SEC24A: variants seen among roughly 807,000 people sequenced by gnomAD.
SEC24A encodes the protein SEC24 homolog A, COPII component.
A neutral mutation model predicts 129.4 loss-of-function variants in SEC24A; 93 were observed. The observed-to-expected ratio is 0.72, with a 90% confidence interval of 0.61 to 0.85. The LOEUF (loss-of-function observed/expected upper bound fraction) is 0.85. Ranked by LOEUF, SEC24A falls within the 40% of genes least tolerant of loss-of-function variation. The pLI, the probability that SEC24A is intolerant of heterozygous loss-of-function variation, is 0.00. For missense variants in SEC24A, 1,264 were observed against 1,307.4 expected (o/e 0.97, Z 0.51); for synonymous variants, 460 against 467.3 (o/e 0.98, Z 0.20).
chr5:134,681,462 G>A (rs1361972696), intron 8 of SEC24A, among the ~76,000 whole-genome samples: 1 of 151,926 alleles, frequency 6.6e-6, no homozygotes, highest in Non-Finnish European at 1.5e-5. Flanking sequence ...GTGTGTGTGT[G>A]TGTGTGTGTG....
At chr5:134,716,497 T>G (rs1752480567) in intron 19 of SEC24A, among the ~76,000 whole-genome samples, 1 of 140,904 alleles carries the variant, frequency 7.1e-6, no homozygotes, top group East Asian at 2.1e-4. Context: ...CCTTTGAAAA[T>G]TTAAAGAATT....
At chr5:134,703,733 A>C (rs1299198906) in intron 15 of SEC24A, 26 bp from the exon 16 acceptor site, 2 of 1,523,736 alleles carry the variant, frequency 1.3e-6, no homozygotes, top group African/African-American at 2.8e-5. Context: ...ATATAAAAAT[A>C]ATTTTGTTAC....
chr5:134,694,819 CAAA>C (rs79409386), intron 13 of SEC24A, among the ~76,000 whole-genome samples: 9 of 65,994 alleles, frequency 1.4e-4, no homozygotes, highest in Admixed American at 5.3e-4. Context: ...AACTCCGTCT[CAAA>C]AAAAAAAAAA....
intron 7 of SEC24A, among the ~76,000 whole-genome samples, chr5:134,679,037 T>A (rs1244546593): frequency 6.6e-6 from 1 of 151,934 alleles, no homozygotes; most frequent in Non-Finnish European, 1.5e-5. Flanking sequence ...TATTTTGGTT[T>A]TGCAATATGA....
In SEC24A at chr5:134,721,003, G is replaced by A; in HGVS notation, c.2976G>A (p.Leu992=). The A allele has an allele frequency of 1.2e-6, 2 of 1,603,544 alleles. No homozygotes were observed. The highest frequency in any genetic ancestry group is 1.7e-6 in the Non-Finnish European group (2 of 1,170,594). ...AATTTTATTCCTGTCCCTAGGTACT[G>A]ATGCTTTGGGTTGGAAAAAATTGTA... ...GAFLMDAGSV[L]MLWVGKNCTQ... Residue 992 remains leucine (L), a synonymous_variant, in exon 21 of 23, where the codon CTG becomes CTA. Coordinates refer to ENST00000398844, the MANE Select transcript of SEC24A (RefSeq NM_021982.3).
At position 134,726,600 on chromosome 5, in the gene SEC24A, A is replaced by G. The variant is rs2150117261; in HGVS notation, c.*1506A>G. 6.6e-6 allele frequency: 1 copy of G among 152,618 alleles called. No individual in the cohort carries two copies. Among genetic ancestry groups the G allele is most frequent in the East Asian group, 1.9e-4 (1 of 5,192 alleles). 9.5% of individuals were successfully genotyped at this position (152,618 alleles called of 1,614,324 possible). On this transcript the variant is annotated 3_prime_UTR_variant, in exon 23 of 23. Transcript: ENST00000398844. The stretch of plus-strand genomic sequence containing the variant: ...CAAAATAATCATGTTTTATGAAAAT[A>G]TCTCCCTTAAGCAGTGTTAAGGTTG...
Position 134,687,641 on chromosome 5 carries a change from ATGT to A in SEC24A, c.1605-536_1605-534del, listed in dbSNP as rs1229511502. On this transcript the variant is annotated intron_variant, in intron 10 of 22. Transcript: ENST00000398844. ...GTTCCTGCCAGCATTTGTATTTTTA[ATGT>A]TGTAGATTGTGAATGGGGATTGTGA... Among the ~76,000 whole-genome samples, 4 of 152,258 alleles carry A rather than the reference ATGT, an allele frequency of 2.6e-5. No individual in the cohort carries two copies. In the South Asian group the frequency reaches 8.3e-4, roughly 32 times the overall value.
intron 19 of SEC24A, among the ~76,000 whole-genome samples, 167 bp from the exon 20 acceptor site, chr5:134,717,902 C>T (rs908992033): frequency 1.3e-5 from 2 of 151,844 alleles, no homozygotes; most frequent in African/African-American, 4.8e-5. Flanking sequence ...GCAACAAGAG[C>T]GAAACTCCGT....
chr5:134,691,518 G>C (rs1248926883), intron 11 of SEC24A, among the ~76,000 whole-genome samples: 1 of 99,700 alleles, frequency 1.0e-5, no homozygotes, highest in Admixed American at 1.1e-4. Flanking sequence ...TTTTTTTTTT[G>C]AGACGAGTCT....
intron 18 of SEC24A, among the ~76,000 whole-genome samples, chr5:134,712,852 T>C (rs962557359): frequency 2.6e-5 from 4 of 151,102 alleles, no homozygotes; most frequent in Non-Finnish European, 4.4e-5. Flanking sequence ...TTTCCTGACC[T>C]TGTGATCCGC....
intron 1 of SEC24A, 148 bp from the exon 2 acceptor site, chr5:134,660,971 T>A (rs996996286): frequency 1.5e-6 from 1 of 651,850 alleles, no homozygotes; most frequent in East Asian, 2.6e-5. Context: ...TTTGGAAGTA[T>A]GTTTGAATGT....
intron 6 of SEC24A, 136 bp from the exon 7 acceptor site, chr5:134,675,887 A>G (rs1288635417): frequency 1.8e-6 from 1 of 566,010 alleles, no homozygotes; most frequent in Admixed American, 3.7e-5. Flanking sequence ...AATGGGATAA[A>G]ATTTTGAGAC....
chr5:134,657,140 C>T (rs564597105), intron 1 of SEC24A, among the ~76,000 whole-genome samples: 14 of 151,598 alleles, frequency 9.2e-5, no homozygotes, highest in Non-Finnish European at 1.3e-4. Context: ...AGCTGTGACA[C>T]TTCAGCCTGG....
intron 18 of SEC24A, among the ~76,000 whole-genome samples, chr5:134,709,095 C>T (rs576907915): frequency 6.6e-6 from 1 of 152,054 alleles, no homozygotes; most frequent in East Asian, 1.9e-4. Context: ...GTAGTCAGTC[C>T]CAGCTACTTG....
At chr5:134,701,301 G>GT (rs1752000736) in intron 15 of SEC24A, 1 of 152,142 alleles carries the variant, frequency 6.6e-6, no homozygotes, top group Non-Finnish European at 1.5e-5. Flanking sequence ...TAGTGTTTAT[G>GT]TTTTAAAGGG....
At chr5:134,722,243 C>T (rs796124420) in intron 21 of SEC24A, among the ~76,000 whole-genome samples, 18 of 152,110 alleles carry the variant, frequency 1.2e-4, no homozygotes, top group African/African-American at 2.4e-4. Context: ...GTAATCTCAG[C>T]GCTTTGGGAG....
At position 134,695,611 on chromosome 5, in the gene SEC24A, C is replaced by T. The variant is rs190764118; in HGVS notation, c.1987-1515C>T. 1.1e-4 allele frequency among the ~76,000 whole-genome samples: 16 copies of T among 152,006 alleles called. No individual in the cohort carries two copies. The East Asian group carries it at 2.9e-3, about 28-fold the overall frequency. On this transcript the variant is annotated intron_variant, in intron 13 of 22. Coordinates refer to ENST00000398844, the MANE Select transcript of SEC24A (RefSeq NM_021982.3). ...ACTAGCCTGACCAACATGGTGAAAC[C>T]CTGTCTCTACTAAAAATACAAAAAT...
At chr5:134,679,999 G>A (rs1261016339) in intron 8 of SEC24A, among the ~76,000 whole-genome samples, 2 of 151,936 alleles carry the variant, frequency 1.3e-5, no homozygotes, top group Admixed American at 6.6e-5. Flanking sequence ...TATATTTCAT[G>A]GTATTACTTA....
chr5:134,674,791 T>G lies in SEC24A; in HGVS notation c.978+16T>G, dbSNP rs1434287110. ...CTTTACTCAGGTAAACTTTTTGGGA[T>G]TTTCTTTAACCTATTTCTCCATTTG... On this transcript the variant is annotated intron_variant, in intron 5 of 22. Coordinates refer to ENST00000398844, the MANE Select transcript of SEC24A (RefSeq NM_021982.3). 17 of 1,608,748 alleles carry G rather than the reference T, an allele frequency of 1.1e-5. No homozygotes were observed. The highest frequency in any genetic ancestry group is 1.4e-5 in the Non-Finnish European group (17 of 1,177,608).
Sources: allele counts gnomAD v4.1 joint callset (sites outside exome capture counted in the v4.1 genomes callset), GRCh38; gene constraint gnomAD v4.1.1; transcripts MANE v1.5; gene names NCBI Gene and HGNC (gene_info 2026-07-23, HGNC 2026-07-21).